Variants in DHRS12 observed in about 807,000 individuals in gnomAD.
DHRS12 encodes dehydrogenase/reductase SDR family member 12.
In DHRS12, 29 loss-of-function variants were observed where a neutral mutation model predicts 32.1. The ratio of observed to expected loss-of-function variants is 0.90; its 90% confidence interval spans 0.67 to 1.23. DHRS12 has a LOEUF of 1.23. Among genes scored for constraint, DHRS12 ranks in the 50% most tolerant of loss-of-function variants. The pLI, the probability that DHRS12 is intolerant of heterozygous loss-of-function variation, is 0.00. For missense variants in DHRS12, 330 were observed against 337.2 expected (o/e 0.98, Z 0.17); for synonymous variants, 150 against 135.9 (o/e 1.10, Z -0.72).
chr13:51,795,851 A>C (rs972921268), intron 2 of DHRS12, among the ~76,000 whole-genome samples: 3 of 152,046 alleles, frequency 2.0e-5, no homozygotes, highest in African/African-American at 7.2e-5. Flanking sequence ...AGAAACACAT[A>C]CCTTGGGGTT....
downstream of DHRS12, chr13:51,765,600 C>A (rs1231564922): frequency 6.6e-6 from 1 of 152,182 alleles, no homozygotes; most frequent in Non-Finnish European, 1.5e-5. Context: ...CATGCCTAGC[C>A]CATCACCAGT....
At position 51,771,124 on chromosome 13, in the gene DHRS12, T is replaced by C. The variant is rs756911088; in HGVS notation, c.559+697A>G. ...TGTAAATGGGTGTGATAATAGACAG[T>C]AGTGGCCACTCCACAGAGGCTTGAG... On this transcript the variant is annotated intron_variant, in intron 7 of 8. Transcript: ENST00000444610. 2.0e-6 allele frequency: 3 copies of C among 1,499,354 alleles called. No individual in the cohort carries two copies. The South Asian group carries it at 4.0e-5, about 20-fold the overall frequency. The allele number at this position is 1,499,354 out of a possible 1,614,324, so 92.9% of individuals were successfully genotyped here.
chr13:51,778,777 T>C (rs1954564011), intron 4 of DHRS12, among the ~76,000 whole-genome samples: 1 of 152,036 alleles, frequency 6.6e-6, no homozygotes, highest in Non-Finnish European at 1.5e-5. Context: ...GCTGGGTCGC[T>C]TGTCCCTGCC....
chr13:51,769,375 A>G lies in DHRS12; in HGVS notation c.560-82T>C, dbSNP rs575331500. On this transcript the variant is annotated intron_variant, in intron 7 of 8. Transcript: ENST00000444610. ...ACTTCCCTTAATTTAAAAAAAAAAA[A>G]AAGTGCAAAAATGAAATGGGATCAT... 2.5e-6 allele frequency: 3 copies of G among 1,190,648 alleles called. No homozygotes were observed. The South Asian group carries it at 5.0e-5, about 20-fold the overall frequency. The allele number at this position is 1,190,648 out of a possible 1,614,324, so 73.8% of individuals were successfully genotyped here.
chr13:51,773,733 G>A (rs1424125053), intron 6 of DHRS12, among the ~76,000 whole-genome samples, 197 bp downstream of exon 6: 2 of 151,974 alleles, frequency 1.3e-5, no homozygotes, highest in Non-Finnish European at 2.9e-5. Flanking sequence ...CTCCTCCCAG[G>A]ATGCTGCTGA....
In DHRS12 at chr13:51,771,900, C is replaced by T. The variant is rs763136414; in HGVS notation, c.480G>A (p.Val160=). 6.2e-7 allele frequency: 1 copy of T among 1,614,120 alleles called. No homozygotes were observed. The highest frequency in any genetic ancestry group is 1.7e-5 in the Admixed American group (1 of 60,028). The change falls in exon 7 of 9, where the codon GTG becomes GTA. Residue 160 remains valine, a synonymous_variant. Coordinates refer to ENST00000444610, the MANE Select transcript of DHRS12 (RefSeq NM_001377533.1). ...CTTGGGCCCACCGCTCCGTCAGAAC[C>T]ACTTGCTGCCTCTGGACAGGAAGGA... is the stretch of plus-strand genomic sequence containing the variant. The part of the protein sequence containing the change: ...MVYAQNKRQQ[V]VLTERWAQGH...
chr13:51,777,720 C>A (rs148718075), intron 4 of DHRS12, among the ~76,000 whole-genome samples: 1 of 152,124 alleles, frequency 6.6e-6, no homozygotes, highest in Non-Finnish European at 1.5e-5. Flanking sequence ...TTGGGAACAC[C>A]ACCATTCCAT....
Position 51,790,066 on chromosome 13 carries a change from A to C in DHRS12, c.246T>G (p.Asn82Lys). ...GTCCATCTTCTGTGAGCTCTCTTTT[A>C]TTGACCATGCAACCTGCATTATTGA... ...VLINNAGCMV[N>K]KRELTEDGLE... Residue 82 changes from asparagine to lysine, a missense_variant, in exon 4 of 9, where the codon AAT becomes AAG. Coordinates refer to ENST00000444610, the MANE Select transcript of DHRS12 (RefSeq NM_001377533.1). 8.1e-6 allele frequency: 13 copies of C among 1,601,830 alleles called. No individual in the cohort carries two copies. The highest frequency in any genetic ancestry group is 1.0e-5 in the Non-Finnish European group (12 of 1,176,254).
downstream of DHRS12, chr13:51,767,966 A>AAAT: frequency 7.4e-7 from 1 of 1,354,152 alleles, no homozygotes; most frequent in Middle Eastern, 2.8e-4. Context: ...ATGAGACTTA[A>AAAT]AATAAGAAAA....
chr13:51,798,073 G>A (rs1283866316), intron 2 of DHRS12, among the ~76,000 whole-genome samples: 2 of 152,174 alleles, frequency 1.3e-5, no homozygotes, highest in East Asian at 1.9e-4. Flanking sequence ...GGTGAGGGAG[G>A]TGCTGGAACC....
downstream of DHRS12, chr13:51,765,818 A>G (rs994528053): frequency 6.6e-6 from 1 of 152,212 alleles, no homozygotes; most frequent in African/African-American, 2.4e-5. Context: ...TAAGGGTGGA[A>G]ATTAATCATG....
chr13:51,761,845 T>C, the DHRS12 span: 1 of 152,164 alleles, frequency 6.6e-6, no homozygotes, highest in Non-Finnish European at 1.5e-5. Flanking sequence ...GCTCAGCCCA[T>C]GTGACCGGAG....
At chr13:51,781,560 A>G (rs1954709643) in intron 4 of DHRS12, among the ~76,000 whole-genome samples, 2 of 151,956 alleles carry the variant, frequency 1.3e-5, no homozygotes, top group South Asian at 2.1e-4. Context: ...ACGGCGGGGG[A>G]GGTGTCAGGC....
intron 7 of DHRS12, chr13:51,771,363 G>A (rs764873546): frequency 2.1e-5 from 34 of 1,613,140 alleles, no homozygotes; most frequent in South Asian, 2.1e-4. Context: ...GCTCCAACAC[G>A]CTTCCAGATC....
chr13:51,757,442 A>G, the DHRS12 span, among the ~76,000 whole-genome samples: 1 of 146,950 alleles, frequency 6.8e-6, no homozygotes. Flanking sequence ...CTGCAGATTT[A>G]GCTATAGAAA....
intron 2 of DHRS12, among the ~76,000 whole-genome samples, chr13:51,798,351 C>T (rs1461629007): frequency 6.6e-6 from 1 of 152,190 alleles, no homozygotes; most frequent in Non-Finnish European, 1.5e-5. Context: ...AGCCACTTGC[C>T]TAGCATGTAG....
chr13:51,770,047 A>G (rs551330089), intron 7 of DHRS12, among the ~76,000 whole-genome samples: 3 of 152,360 alleles, frequency 2.0e-5, no homozygotes, highest in Admixed American at 2.0e-4. Context: ...GAAAGAAAAT[A>G]AACCAGAGAA....
chr13:51,777,192 T>C, intron 4 of DHRS12, 71 bp from the exon 5 acceptor site: 2 of 1,574,556 alleles, frequency 1.3e-6, no homozygotes, highest in Non-Finnish European at 1.7e-6. Flanking sequence ...GCAGGACTGA[T>C]GTGGGGACTG....
intron 8 of DHRS12, chr13:51,768,517 A>G: frequency 7.1e-7 from 1 of 1,403,424 alleles, no homozygotes; most frequent in Non-Finnish European, 9.3e-7. Context: ...CCAGGGCTGG[A>G]CGGGAGACCA....
Sources: allele counts gnomAD v4.1 joint callset (sites outside exome capture counted in the v4.1 genomes callset), GRCh38; gene constraint gnomAD v4.1.1; transcripts MANE v1.5; gene names NCBI Gene and HGNC (gene_info 2026-07-23, HGNC 2026-07-21).